Variants in SLC5A11 observed in about 807,000 individuals in gnomAD.
The protein encoded by SLC5A11 is sodium/myo-inositol cotransporter 2.
SLC5A11 carries 48 observed loss-of-function variants against 69.8 expected under a neutral mutation model. The ratio of observed to expected loss-of-function variants is 0.69; its 90% CI spans 0.55 to 0.87. The LOEUF (loss-of-function observed/expected upper bound fraction) is 0.87, where lower values mean the gene tolerates loss of function less well. Among genes scored for constraint, SLC5A11 ranks in the 40% least tolerant of loss-of-function variants. The pLI is 0.00. For synonymous variants in SLC5A11, 319 were observed against 342.4 expected, an observed-to-expected ratio of 0.93 and a Z score of 0.75; for missense variants, 784 against 866.1, an observed-to-expected ratio of 0.91 and a Z score of 1.19.
At chr16:24,881,720 T>C (rs1363187232) in intron 7 of SLC5A11, among the ~76,000 whole-genome samples, 3 of 152,216 alleles carry the variant, frequency 2.0e-5, no homozygotes, top group East Asian at 1.9e-4. Flanking sequence ...GTAAACACTC[T>C]GAGATGAGAA....
intron 14 of SLC5A11, 26 bp from the exon 16 acceptor site, chr16:24,910,280 T>C (rs1662786849): frequency 3.7e-6 from 6 of 1,609,648 alleles, no homozygotes; most frequent in Non-Finnish European, 5.1e-6. Context: ...CCACCACAAA[T>C]CTCATCATTC....
intron 3 of SLC5A11, among the ~76,000 whole-genome samples, chr16:24,869,642 A>G (rs770311769): frequency 2.0e-5 from 3 of 152,220 alleles, no homozygotes; most frequent in Non-Finnish European, 4.4e-5. Context: ...ACAACCCTAC[A>G]GGGTGCAATC....
chr16:24,895,263 T>C (rs2049076289), intron 9 of SLC5A11, among the ~76,000 whole-genome samples: 2 of 151,584 alleles, frequency 1.3e-5, no homozygotes, highest in Admixed American at 1.3e-4. Context: ...CTGAGGTGGG[T>C]GGATCACTTA....
intron 5 of SLC5A11, among the ~76,000 whole-genome samples, chr16:24,875,249 G>T (rs2047592880): frequency 6.6e-6 from 1 of 152,124 alleles, no homozygotes; most frequent in Non-Finnish European, 1.5e-5. Context: ...CATGATCATG[G>T]CTCACTGCAC....
At chr16:24,850,492 C>T (rs1451912890) in intron 1 of SLC5A11, among the ~76,000 whole-genome samples, 2 of 152,230 alleles carry the variant, frequency 1.3e-5, no homozygotes, top group Non-Finnish European at 2.9e-5. Context: ...GCAGTCAGCG[C>T]CACTGCAGCC....
intron 9 of SLC5A11, among the ~76,000 whole-genome samples, chr16:24,892,914 C>A (rs112870075): frequency 4.9e-4 from 74 of 152,176 alleles, no homozygotes; most frequent in African/African-American, 1.4e-3. Context: ...CTCCTTAGCA[C>A]ATCTCAGGTA....
intron 2 of SLC5A11, among the ~76,000 whole-genome samples, chr16:24,860,190 G>C (rs2059704579): frequency 1.3e-5 from 2 of 152,194 alleles, no homozygotes. Context: ...GGGAGGCTGA[G>C]GCAGGAGAAT....
chr16:24,870,136 T>A, intron 4 of SLC5A11, 131 bp downstream of exon 5: 1 of 606,630 alleles, frequency 1.6e-6, no homozygotes, highest in Non-Finnish European at 2.9e-6. Flanking sequence ...CTCACGCCTG[T>A]AATCTCAGCA....
At chr16:24,848,671 C>A (rs755629185) in intron 1 of SLC5A11, among the ~76,000 whole-genome samples, 1 of 152,026 alleles carries the variant, frequency 6.6e-6, no homozygotes, top group Non-Finnish European at 1.5e-5. Flanking sequence ...ACTTGGGAGA[C>A]GGAGGTGGGA....
intron 7 of SLC5A11, among the ~76,000 whole-genome samples, chr16:24,883,146 T>C (rs2048156492): frequency 6.6e-6 from 1 of 152,176 alleles, no homozygotes; most frequent in Non-Finnish European, 1.5e-5. Flanking sequence ...AGGAGGACTG[T>C]TTGAAGCCAG....
chr16:24,852,366 A>G (rs1488778257), intron 1 of SLC5A11, among the ~76,000 whole-genome samples: 1 of 152,168 alleles, frequency 6.6e-6, no homozygotes, highest in African/African-American at 2.4e-5. Context: ...CATCTACCAT[A>G]GCAAATTATG....
At chr16:24,871,168 C>T (rs888664363) in intron 4 of SLC5A11, among the ~76,000 whole-genome samples, 15 of 152,220 alleles carry the variant, frequency 9.9e-5, no homozygotes, top group African/African-American at 3.6e-4. Context: ...ATTAGACCCA[C>T]ACTGCCTGGG....
intron 1 of SLC5A11, among the ~76,000 whole-genome samples, chr16:24,852,576 C>A (rs2059357437): frequency 6.6e-6 from 1 of 152,140 alleles, no homozygotes; most frequent in African/African-American, 2.4e-5. Context: ...CCCCCAACCA[C>A]CCCAACCAGA....
Position 24,875,676 on chromosome 16 carries a change from TC to T in SLC5A11, c.426del (p.Ile143SerfsTer18), listed in dbSNP as rs536163429. On this transcript the variant is annotated frameshift_variant, in exon 6 of 16. Transcript: ENST00000347898. LOFTEE classifies it high-confidence loss of function. ...CGGAAGCGCTTCGGTGGCATCAGAA[TC>T]CCCATCATCCTGGCTGTACTCTACC... is the stretch of plus-strand genomic sequence containing the variant. 531 of 1,613,846 alleles carry T rather than the reference TC, an allele frequency of 3.3e-4. 3 individuals carry two copies. The African/African-American group carries it at 6.1e-3, about 19-fold the overall frequency.
intron 8 of SLC5A11, among the ~76,000 whole-genome samples, chr16:24,884,508 ATTTTGTT>A (rs1368647015): frequency 1.4e-5 from 1 of 72,174 alleles, no homozygotes; most frequent in Non-Finnish European, 2.5e-5. Context: ...TTGCTTTTTT[ATTTTGTT>A]TTTTTTTTTT....
chr16:24,858,630 T>C, exon 2 of SLC5A11: 2 of 1,598,346 alleles, frequency 1.3e-6, no homozygotes, highest in Non-Finnish European at 1.7e-6. Flanking sequence ...GATCCAGAGG[T>C]CTCGTTCAGG....
rs199577224 is a variant in SLC5A11, at chr16:24,847,196, TTTTA to T, written c.-25+762_-25+765del. Among the ~76,000 whole-genome samples, 1,202 of 151,640 alleles carry T rather than the reference TTTTA, an allele frequency of 7.9e-3. 19 individuals carry two copies. Among genetic ancestry groups the T allele is most frequent in the African/African-American group, 0.027 (1,130 of 41,424 alleles). ...TGTTCTTTCTTTCTTTCCTTCTTTCTTTTATTTCTTTCCTTATTCCTTTCTTTCC... is the reference window on the plus strand; with the variant it reads ...TGTTCTTTCTTTCTTTCCTTCTTTCTTTTCTTTCCTTATTCCTTTCTTTCC... On this transcript the variant is annotated intron_variant, in intron 1 of 15. Coordinates refer to ENST00000347898, the Ensembl canonical transcript of SLC5A11.
intron 1 of SLC5A11, among the ~76,000 whole-genome samples, chr16:24,854,389 G>T (rs532806310): frequency 2.0e-5 from 3 of 151,856 alleles, no homozygotes; most frequent in Non-Finnish European, 4.4e-5. Context: ...CTTTGGACAC[G>T]ACTTAAACTC....
rs372492277 is a variant in SLC5A11, at chr16:24,858,732, C to T, written c.89C>T (p.Ala30Val). 4 of 1,611,648 alleles carry T rather than the reference C, an allele frequency of 2.5e-6. No homozygotes were observed. The African/African-American group carries it at 4.0e-5, about 16-fold the overall frequency. ...AAGGGCTTGGAGCCTGGGGACATCG[C>T]GGTGCTAGTTCTGTACTTCCTCTTT... The change falls in exon 2 of 16, where the codon GCG becomes GTG. Residue 30 changes from alanine to valine, a missense_variant. This residue lies in a region of SLC5A11 where 133 missense variants were observed against 107.4 expected (regional missense o/e 1.24). Coordinates refer to ENST00000347898, the Ensembl canonical transcript of SLC5A11.
Sources: gnomAD v4.1 joint callset for allele counts (sites outside exome capture counted in the v4.1 genomes callset) on GRCh38, gnomAD v4.1.1 for gene constraint, gnomAD v4.1.1 regional missense constraint, MANE v1.5 for transcripts, NCBI Gene and HGNC (gene_info 2026-07-23, HGNC 2026-07-21) for gene names.